Variants in SLC28A3 observed in about 807,000 individuals in gnomAD.
The protein encoded by SLC28A3 is concentrative Na(+)-nucleoside cotransporter 3.
A neutral mutation model predicts 84.2 loss-of-function variants in SLC28A3; 68 were observed. The observed-to-expected ratio is 0.81, with a 90% CI of 0.66 to 0.99. The LOEUF is 0.99. Among genes scored for constraint, SLC28A3 ranks in the 50% least tolerant of loss-of-function variants. SLC28A3 has a pLI of 0.00. For missense variants in SLC28A3, 712 were observed against 841.5 expected, an observed-to-expected ratio of 0.85 and a Z score of 1.90; for synonymous variants, 267 against 303.6, an observed-to-expected ratio of 0.88 and a Z score of 1.25.
chr9:84,342,125 C>T (rs1213942461), upstream of SLC28A3, among the ~76,000 whole-genome samples: 1 of 71,058 alleles, frequency 1.4e-5, no homozygotes, highest in Non-Finnish European at 2.3e-5. Flanking sequence ...GAGACCCTGT[C>T]TCAAAAAAAA....
At chr9:84,278,587 T>C (rs528507135) in intron 17 of SLC28A3, among the ~76,000 whole-genome samples, 7 of 152,178 alleles carry the variant, frequency 4.6e-5, no homozygotes, top group Non-Finnish European at 5.9e-5. Flanking sequence ...TCAATCCTTA[T>C]AAAACACTTG....
chr9:84,360,228 AG>A, the SLC28A3 span, among the ~76,000 whole-genome samples: 1 of 152,022 alleles, frequency 6.6e-6, no homozygotes, highest in African/African-American at 2.4e-5. Flanking sequence ...GATATGGTCA[AG>A]GGCCCAGATT....
chr9:84,294,357 C>A (rs1825340508), intron 8 of SLC28A3, 82 bp from the exon 9 acceptor site: 1 of 1,307,292 alleles, frequency 7.6e-7, no homozygotes, highest in South Asian at 1.2e-5. Context: ...TCTCTGTCTC[C>A]TTTTCTCCCT....
intron 1 of SLC28A3, among the ~76,000 whole-genome samples, chr9:84,331,923 C>T (rs145235130): frequency 2.0e-4 from 30 of 152,192 alleles, no homozygotes; most frequent in African/African-American, 5.1e-4. Context: ...AATATGGACA[C>T]GTGGCAAAAT....
intron 2 of SLC28A3, among the ~76,000 whole-genome samples, chr9:84,311,496 C>T (rs549453533): frequency 3.3e-5 from 5 of 152,068 alleles, no homozygotes; most frequent in East Asian, 1.9e-4. Flanking sequence ...TGGGTTTGGA[C>T]GCATGTATGA....
At chr9:84,319,947 C>T (rs148618473) in intron 1 of SLC28A3, among the ~76,000 whole-genome samples, 2 of 151,830 alleles carry the variant, frequency 1.3e-5, no homozygotes, top group African/African-American at 4.8e-5. Flanking sequence ...TTTTTTATTG[C>T]CCTGCAGCCA....
intron 1 of SLC28A3, among the ~76,000 whole-genome samples, chr9:84,339,421 T>G (rs930919334): frequency 6.6e-6 from 1 of 152,016 alleles, no homozygotes; most frequent in African/African-American, 2.4e-5. Context: ...GGCTGATTTT[T>G]GTATTTTTAG....
chr9:84,309,242 G>C (rs1023498803), intron 3 of SLC28A3, among the ~76,000 whole-genome samples: 1 of 151,916 alleles, frequency 6.6e-6, no homozygotes, highest in Non-Finnish European at 1.5e-5. Flanking sequence ...CAAATGGGAG[G>C]CCTGGTGCCA....
chr9:84,301,349 CAAAAAAAA>C, intron 5 of SLC28A3, among the ~76,000 whole-genome samples: 1 of 44,722 alleles, frequency 2.2e-5, no homozygotes, highest in Non-Finnish European at 5.1e-5. Context: ...GACTCTGTCT[CAAAAAAAA>C]AAAAAAAAAA....
chr9:84,332,766 G>T (rs982820013), intron 1 of SLC28A3, among the ~76,000 whole-genome samples: 1 of 152,104 alleles, frequency 6.6e-6, no homozygotes, highest in East Asian at 1.9e-4. Context: ...GGTTGGAAAA[G>T]ATATTTTAGA....
upstream of SLC28A3, among the ~76,000 whole-genome samples, chr9:84,341,408 A>G (rs1012171073): frequency 1.3e-5 from 2 of 152,168 alleles, no homozygotes; most frequent in East Asian, 3.9e-4. Context: ...GTGATCACCT[A>G]CTGTATACCA....
the SLC28A3 span, among the ~76,000 whole-genome samples, chr9:84,362,174 G>T: frequency 6.6e-6 from 1 of 152,102 alleles, no homozygotes; most frequent in Admixed American, 6.5e-5. Flanking sequence ...TCTAGAGTTC[G>T]AACTTTAACA....
chr9:84,349,798 G>C, the SLC28A3 span, among the ~76,000 whole-genome samples: 1 of 152,310 alleles, frequency 6.6e-6, no homozygotes, highest in South Asian at 2.1e-4. Flanking sequence ...ATGGCAACAT[G>C]CAACTTATGG....
chr9:84,294,782 G>A (rs1309196769), intron 8 of SLC28A3, among the ~76,000 whole-genome samples: 1 of 152,190 alleles, frequency 6.6e-6, no homozygotes, highest in East Asian at 1.9e-4. Context: ...ATGACCCTAT[G>A]GTCTAAGCGT....
In SLC28A3 at chr9:84,340,466, G is replaced by T. The variant is rs75126761; in HGVS notation, c.60+108C>A. 5.8e-3 allele frequency: 6,935 copies of T among 1,191,360 alleles called. 302 individuals are homozygous for T. In the African/African-American group the frequency reaches 0.092, roughly 16 times the overall value. The allele number at this position is 1,191,360 out of a possible 1,614,324, so 73.8% of individuals were successfully genotyped here. On this transcript the variant is annotated intron_variant, in intron 1 of 17. Transcript: ENST00000376238. The stretch of plus-strand genomic sequence containing the variant: ...GGCTTAAAGTGTGCCGTTAAAAATC[G>T]TATTGTCCTGATAATCTCCCTGCTT...
At chr9:84,352,656 G>A in the SLC28A3 span, among the ~76,000 whole-genome samples, 1 of 151,798 alleles carries the variant, frequency 6.6e-6, no homozygotes, top group Non-Finnish European at 1.5e-5. Flanking sequence ...AGGCCAAGGA[G>A]GGCAGATCAC....
chr9:84,340,130 T>G (rs2118640826), intron 1 of SLC28A3, among the ~76,000 whole-genome samples: 1 of 152,312 alleles, frequency 6.6e-6, no homozygotes, highest in South Asian at 2.1e-4. Flanking sequence ...TGAGACTGAT[T>G]TGCGTAATCC....
chr9:84,321,977 G>A (rs907344635), intron 1 of SLC28A3, among the ~76,000 whole-genome samples: 1 of 152,134 alleles, frequency 6.6e-6, no homozygotes, highest in African/African-American at 2.4e-5. Flanking sequence ...TTGAACTCAG[G>A]GGGCAGAGGT....
At chr9:84,320,044 T>TTTG (rs200838919) in intron 1 of SLC28A3, among the ~76,000 whole-genome samples, 952 of 92,906 alleles carry the variant, frequency 0.01, 115 homozygotes, top group African/African-American at 0.056. Context: ...TGCACTGTTT[T>TTTG]TTTTTTTTTT....
Sources: gnomAD v4.1 joint callset for allele counts (sites outside exome capture counted in the v4.1 genomes callset) on GRCh38, gnomAD v4.1.1 for gene constraint, MANE v1.5 for transcripts, NCBI Gene and HGNC (gene_info 2026-07-23, HGNC 2026-07-21) for gene names.